EPM2A: variants seen among roughly 807,000 people sequenced by gnomAD.
EPM2A encodes laforin.
EPM2A carries 21 observed loss-of-function variants against 26.5 expected under a neutral mutation model. The ratio of observed to expected loss-of-function variants is 0.79; its 90% CI spans 0.56 to 1.14. EPM2A has a LOEUF of 1.14. Ranked by LOEUF, EPM2A falls within the 50% of genes most tolerant of loss-of-function variation. The pLI is 0.00. For missense variants in EPM2A, 458 were observed against 440.8 expected (o/e 1.04, Z -0.35); for synonymous variants, 217 against 177.6 (o/e 1.22, Z -1.76).
intron 2 of EPM2A, among the ~76,000 whole-genome samples, chr6:145,649,775 C>T (rs1403436028): frequency 6.6e-6 from 1 of 152,188 alleles, no homozygotes; most frequent in Non-Finnish European, 1.5e-5. Context: ...CAGCTACTTT[C>T]CCACTGCAAA....
chr6:145,466,115 A>T lies in EPM2A; in HGVS notation c.555+36407T>A, dbSNP rs1220433178. 2.0e-5 allele frequency among the ~76,000 whole-genome samples: 3 copies of T among 152,134 alleles called. No individual in the cohort carries two copies. The East Asian group carries it at 5.8e-4, about 29-fold the overall frequency. ...TGTCTAAAACACCAAAAGCAATGGCAACAAAAGCCAAAATTGACAAATGGG... is the reference window on the plus strand; with the variant it reads ...TGTCTAAAACACCAAAAGCAATGGCTACAAAAGCCAAAATTGACAAATGGG... On this transcript the variant is annotated intron_variant, in intron 4 of 4. Coordinates refer to the EPM2A transcript ENST00000638717.
intron 2 of EPM2A, among the ~76,000 whole-genome samples, chr6:145,593,944 A>G (rs1252699722): frequency 6.6e-6 from 1 of 151,668 alleles, no homozygotes; most frequent in Admixed American, 6.6e-5. Flanking sequence ...AAATTAAAAT[A>G]TAAAACAATA....
At chr6:145,450,433 A>G (rs910562727) in intron 4 of EPM2A, among the ~76,000 whole-genome samples, 1 of 151,844 alleles carries the variant, frequency 6.6e-6, no homozygotes. Flanking sequence ...TGCAGACTCT[A>G]TTAATCCAGA....
Position 145,652,564 on chromosome 6 carries a change from A to G in EPM2A, c.477-17078T>C, listed in dbSNP as rs188162559. The stretch of plus-strand genomic sequence containing the variant: ...TTATTTTAGAAACTAATATATCCAT[A>G]TAGCCAGCACCTAGATCCAGAAGCA... On this transcript the variant is annotated intron_variant, in intron 2 of 3. Coordinates refer to ENST00000367519, the MANE Select transcript of EPM2A (RefSeq NM_005670.4). Among the ~76,000 whole-genome samples, 660 of 152,224 alleles carry G rather than the reference A, an allele frequency of 4.3e-3. 5 individuals carry two copies. Among genetic ancestry groups the G allele is most frequent in the African/African-American group, 0.014 (571 of 41,536 alleles).
At chr6:145,573,040 C>G (rs1283980981) in intron 2 of EPM2A, among the ~76,000 whole-genome samples, 1 of 152,204 alleles carries the variant, frequency 6.6e-6, no homozygotes, top group Admixed American at 6.5e-5. Context: ...AGAAATTTTA[C>G]TGAGGTAGAA....
chr6:145,590,392 C>T (rs111472654), intron 2 of EPM2A, among the ~76,000 whole-genome samples: 224 of 152,068 alleles, frequency 1.5e-3, no homozygotes, highest in African/African-American at 5.1e-3. Flanking sequence ...TCTCCTCCAG[C>T]ACCCTCTAGC....
intron 2 of EPM2A, among the ~76,000 whole-genome samples, chr6:145,518,738 G>T (rs901606509): frequency 6.6e-6 from 1 of 151,910 alleles, no homozygotes; most frequent in African/African-American, 2.4e-5. Flanking sequence ...TGAGGAAAGA[G>T]AAATTAATAA....
chr6:145,450,400 A>C (rs1444420900), intron 4 of EPM2A, among the ~76,000 whole-genome samples: 1 of 151,918 alleles, frequency 6.6e-6, no homozygotes, highest in African/African-American at 2.4e-5. Flanking sequence ...TGGGGGTATA[A>C]ATTGGCACAA....
In EPM2A at chr6:145,687,872, C is replaced by A. The variant is rs1781033453; in HGVS notation, c.302-1576G>T. Among the ~76,000 whole-genome samples the A allele has an allele frequency of 1.3e-5, 2 of 152,008 alleles. 1 individual carries two copies. Among genetic ancestry groups the A allele is most frequent in the South Asian group, 4.1e-4 (2 of 4,828 alleles). The stretch of plus-strand genomic sequence containing the variant: ...TTCTCGACGACTACAAGGTGCTGCA[C>A]CACATCTCTATTAACCTTCATTTTT... On this transcript the variant is annotated intron_variant, in intron 1 of 3. Transcript: ENST00000367519.
intron 2 of EPM2A, among the ~76,000 whole-genome samples, chr6:145,562,205 A>G (rs1425131687): frequency 1.3e-5 from 2 of 151,840 alleles, no homozygotes; most frequent in South Asian, 4.2e-4. Context: ...GCATTACCTC[A>G]TAGCCATTTC....
At chr6:145,649,912 C>G (rs1186468624) in intron 2 of EPM2A, among the ~76,000 whole-genome samples, 1 of 152,168 alleles carries the variant, frequency 6.6e-6, no homozygotes, top group Non-Finnish European at 1.5e-5. Context: ...ACCCATAGCT[C>G]TACCCCATAG....
chr6:145,683,328 T>C (rs1780686314), intron 2 of EPM2A, among the ~76,000 whole-genome samples: 1 of 149,594 alleles, frequency 6.7e-6, no homozygotes, highest in South Asian at 2.1e-4. Context: ...TATTAGATTA[T>C]ATATTATACT....
Position 145,625,655 on chromosome 6 carries a change from A to G in EPM2A, c.*1761T>C, listed in dbSNP as rs1047241309. On this transcript the variant is annotated 3_prime_UTR_variant, in exon 4 of 4. Transcript: ENST00000367519. ...ATTTTTAGCAAGGGAGCTGGACTTC[A>G]CTTTACTTAATGCTAGCTTATAAAT... 4 of 732,306 alleles carry G rather than the reference A, an allele frequency of 5.5e-6. No individual in the cohort carries two copies. The South Asian group carries it at 5.8e-5, about 11-fold the overall frequency. The allele number at this position is 732,306 out of a possible 1,614,324, so 45.4% of individuals were successfully genotyped here.
intron 4 of EPM2A, among the ~76,000 whole-genome samples, chr6:145,468,019 T>C (rs146953865): frequency 6.6e-6 from 1 of 152,086 alleles, no homozygotes; most frequent in Non-Finnish European, 1.5e-5. Context: ...TATGGTAGTT[T>C]AATCCATATA....
At chr6:145,567,659 G>T (rs1028607846) in intron 2 of EPM2A, among the ~76,000 whole-genome samples, 7 of 152,210 alleles carry the variant, frequency 4.6e-5, no homozygotes, top group African/African-American at 1.2e-4. Flanking sequence ...GATGCTAATT[G>T]TATCTGTGAA....
intron 4 of EPM2A, among the ~76,000 whole-genome samples, chr6:145,474,200 G>T (rs1582783532): frequency 6.6e-6 from 1 of 152,128 alleles, no homozygotes; most frequent in Non-Finnish European, 1.5e-5. Flanking sequence ...GGTGGCTCAT[G>T]CCTGTAATCC....
chr6:145,684,992 G>A (rs1043229676), intron 2 of EPM2A: 2 of 151,868 alleles, frequency 1.3e-5, no homozygotes, highest in Admixed American at 1.3e-4. Flanking sequence ...CTCACAACTC[G>A]GTTTATATTA....
At chr6:145,583,577 G>A (rs1781144970) in intron 2 of EPM2A, among the ~76,000 whole-genome samples, 1 of 152,200 alleles carries the variant, frequency 6.6e-6, no homozygotes, top group Non-Finnish European at 1.5e-5. Context: ...CATTCCAATG[G>A]CGGGCGGGGT....
intron 2 of EPM2A, among the ~76,000 whole-genome samples, chr6:145,614,171 T>G (rs1775456936): frequency 6.6e-6 from 1 of 152,230 alleles, no homozygotes; most frequent in Admixed American, 6.5e-5. Flanking sequence ...TGGAGACAAC[T>G]TATTTCTTTA....
Sources: allele counts gnomAD v4.1 joint callset (sites outside exome capture counted in the v4.1 genomes callset), GRCh38; gene constraint gnomAD v4.1.1; transcripts MANE v1.5; gene names NCBI Gene and HGNC (gene_info 2026-07-23, HGNC 2026-07-21).